GRM8: variants seen among roughly 807,000 people sequenced by gnomAD.
GRM8 encodes metabotropic glutamate receptor 8.
A neutral mutation model predicts 87.2 loss-of-function variants in GRM8; 47 were observed. The ratio of observed to expected loss-of-function variants is 0.54; its 90% CI spans 0.43 to 0.69. GRM8 has a LOEUF of 0.69. GRM8 is among the 30% of genes least tolerant of loss of function. The probability of loss-of-function intolerance (pLI) is 0.00; values close to 1 mark genes in which losing one functional copy is unlikely to be tolerated. For synonymous variants in GRM8, 396 were observed against 404.5 expected, an observed-to-expected ratio of 0.98 and a Z score of 0.25; for missense variants, 1,019 against 1,139.2, an observed-to-expected ratio of 0.89 and a Z score of 1.52.
intron 9 of GRM8, among the ~76,000 whole-genome samples, chr7:126,529,845 T>C (rs555197096): frequency 1.3e-5 from 2 of 152,296 alleles, no homozygotes; most frequent in South Asian, 2.1e-4. Flanking sequence ...ATTATGTGAG[T>C]TTGTGTTATT....
At chr7:126,780,412 G>C (rs58456819) in intron 6 of GRM8, among the ~76,000 whole-genome samples, 7,551 of 152,200 alleles carry the variant, frequency 0.05, 640 homozygotes, top group African/African-American at 0.17. Flanking sequence ...GTGTTGAAAA[G>C]AATAGGCACT....
At chr7:127,059,423 A>T (rs6973006) in intron 3 of GRM8, among the ~76,000 whole-genome samples, 1 of 147,184 alleles carries the variant, frequency 6.8e-6, no homozygotes, top group African/African-American at 2.5e-5. Flanking sequence ...TGCAACCTCC[A>T]CCTCCTGGGT....
At chr7:126,798,219 C>T (rs961148342) in intron 6 of GRM8, among the ~76,000 whole-genome samples, 2 of 151,894 alleles carry the variant, frequency 1.3e-5, no homozygotes, top group African/African-American at 4.8e-5. Flanking sequence ...AAAGAGAATG[C>T]CCCAAAGCAG....
chr7:126,730,488 T>C (rs1649172925), intron 7 of GRM8, among the ~76,000 whole-genome samples: 1 of 152,096 alleles, frequency 6.6e-6, no homozygotes, highest in Admixed American at 6.6e-5. Flanking sequence ...AAAGTGAATT[T>C]GGGGTAGACT....
At chr7:127,165,879 G>A (rs1026731355) in intron 2 of GRM8, among the ~76,000 whole-genome samples, 9 of 152,150 alleles carry the variant, frequency 5.9e-5, no homozygotes, top group Non-Finnish European at 1.0e-4. Flanking sequence ...GGGGAGGTGT[G>A]TTTTTGGTAC....
intron 3 of GRM8, among the ~76,000 whole-genome samples, chr7:127,097,130 A>T (rs922436556): frequency 3.9e-5 from 6 of 152,174 alleles, no homozygotes; most frequent in Non-Finnish European, 7.3e-5. Context: ...AAAGATTGAC[A>T]GAGAAATCAG....
chr7:126,700,622 G>T (rs1007167916), intron 7 of GRM8, among the ~76,000 whole-genome samples: 1 of 151,992 alleles, frequency 6.6e-6, no homozygotes, highest in Non-Finnish European at 1.5e-5. Context: ...TTTGATGAGG[G>T]TGATAAATTG....
At chr7:126,667,348 T>C (rs1205389148) in intron 7 of GRM8, among the ~76,000 whole-genome samples, 1 of 152,218 alleles carries the variant, frequency 6.6e-6, no homozygotes, top group African/African-American at 2.4e-5. Context: ...ATGTAAAGCT[T>C]AATTGGGGTG....
chr7:126,784,351 G>A (rs10281480), intron 6 of GRM8, among the ~76,000 whole-genome samples: 2,918 of 152,156 alleles, frequency 0.019, 96 homozygotes, highest in African/African-American at 0.066. Context: ...TTAAACTTTC[G>A]TTGCATGCTT....
chr7:126,439,589 T>C (rs1462170597), intron 10 of GRM8, among the ~76,000 whole-genome samples: 1 of 152,170 alleles, frequency 6.6e-6, no homozygotes, highest in Non-Finnish European at 1.5e-5. Context: ...GGTTTAAATA[T>C]TTACTACACT....
chr7:126,882,152 G>T (rs923251528), intron 6 of GRM8, among the ~76,000 whole-genome samples: 2 of 152,244 alleles, frequency 1.3e-5, no homozygotes, highest in South Asian at 4.1e-4. Context: ...AAGGGAGAAG[G>T]GTCAGCACAA....
intron 2 of GRM8, among the ~76,000 whole-genome samples, chr7:127,112,835 T>C (rs1006662060): frequency 4.6e-5 from 7 of 152,218 alleles, no homozygotes; most frequent in African/African-American, 1.7e-4. Flanking sequence ...ATAACTACCT[T>C]GGCAAACACC....
intron 1 of GRM8, among the ~76,000 whole-genome samples, chr7:127,247,587 G>C (rs966735876): frequency 1.3e-5 from 2 of 152,094 alleles, no homozygotes; most frequent in African/African-American, 2.4e-5. Context: ...ATGGATTCTT[G>C]GTGGGGCAGA....
intron 2 of GRM8, among the ~76,000 whole-genome samples, chr7:127,235,933 C>T (rs909741905): frequency 7.9e-5 from 12 of 152,172 alleles, no homozygotes; most frequent in East Asian, 5.8e-4. Context: ...GTGTTATTAA[C>T]GGATTTATGC....
intron 3 of GRM8, among the ~76,000 whole-genome samples, chr7:126,990,582 C>T (rs1011885779): frequency 4.6e-5 from 7 of 152,118 alleles, no homozygotes; most frequent in Admixed American, 6.5e-5. Context: ...TTGACGTTAC[C>T]GTTACTTACA....
chr7:126,965,291 C>G (rs1027267748), intron 3 of GRM8, among the ~76,000 whole-genome samples: 1 of 151,580 alleles, frequency 6.6e-6, no homozygotes. Context: ...CACATGTACC[C>G]CAGAACTTAA....
At chr7:126,705,388 G>A (rs958039420) in intron 7 of GRM8, among the ~76,000 whole-genome samples, 1 of 152,130 alleles carries the variant, frequency 6.6e-6, no homozygotes, top group Non-Finnish European at 1.5e-5. Context: ...CATTGTGGCT[G>A]AGGTTGATGT....
chr7:126,900,575 T>A (rs1801976905), intron 6 of GRM8, among the ~76,000 whole-genome samples: 1 of 152,112 alleles, frequency 6.6e-6, no homozygotes, highest in Admixed American at 6.5e-5. Context: ...AGTGGTGCAA[T>A]CTCAGCTCAC....
intron 7 of GRM8, among the ~76,000 whole-genome samples, chr7:126,708,808 C>T (rs1046068024): frequency 1.1e-4 from 16 of 152,018 alleles, no homozygotes; most frequent in Non-Finnish European, 2.1e-4. Context: ...GGCTGGAATA[C>T]TTGGGAAACG....
Sources: allele counts gnomAD v4.1 joint callset (sites outside exome capture counted in the v4.1 genomes callset), GRCh38; gene constraint gnomAD v4.1.1; transcripts MANE v1.5; gene names NCBI Gene and HGNC (gene_info 2026-07-23, HGNC 2026-07-21).